MYO9B: variants seen among roughly 807,000 people sequenced by gnomAD.
The protein encoded by MYO9B is unconventional myosin-IXb.
MYO9B carries 71 observed loss-of-function variants against 229.5 expected under a neutral mutation model. The observed-to-expected ratio is 0.31, with a 90% confidence interval of 0.26 to 0.38. The LOEUF is 0.38. MYO9B is among the 10% of genes least tolerant of loss of function. The pLI is 1.00. For synonymous variants in MYO9B, 1,185 were observed against 1,235.8 expected (o/e 0.96, Z 0.86); for missense variants, 2,255 against 2,920.5 (o/e 0.77, Z 5.25).
chr19:17,081,826 A>C (rs892489269), intron 1 of MYO9B, among the ~76,000 whole-genome samples: 2 of 151,160 alleles, frequency 1.3e-5, no homozygotes, highest in Non-Finnish European at 3.0e-5. Context: ...AAAAAAAAAA[A>C]AAAAGAGGCG....
chr19:17,137,562 G>A (rs571718630), intron 2 of MYO9B, among the ~76,000 whole-genome samples: 71 of 152,036 alleles, frequency 4.7e-4, no homozygotes, highest in South Asian at 2.5e-3. Flanking sequence ...GCTTGGCTCC[G>A]TGCCCCATGA....
At chr19:17,173,485 G>C (rs969758141) in intron 13 of MYO9B, among the ~76,000 whole-genome samples, 1 of 151,890 alleles carries the variant, frequency 6.6e-6, no homozygotes, top group African/African-American at 2.4e-5. Context: ...TGTATTTTTA[G>C]TAGAGACGGG....
At chr19:17,141,197 C>A (rs149975425) in intron 2 of MYO9B, among the ~76,000 whole-genome samples, 1 of 152,174 alleles carries the variant, frequency 6.6e-6, no homozygotes, top group Non-Finnish European at 1.5e-5. Context: ...TCAGGAAGAT[C>A]CTGTCTCTCT....
At chr19:17,082,929 C>G (rs1454362410) in intron 1 of MYO9B, among the ~76,000 whole-genome samples, 2 of 151,766 alleles carry the variant, frequency 1.3e-5, no homozygotes, top group South Asian at 2.1e-4. Flanking sequence ...ACTCCGCACT[C>G]TCAATATCCT....
At position 17,180,924 on chromosome 19, in the gene MYO9B, C is replaced by T; in HGVS notation, c.2220-3C>T. The T allele has an allele frequency of 1.2e-6, 2 of 1,602,374 alleles. No homozygotes were observed. The highest frequency in any genetic ancestry group is 1.7e-6 in the Non-Finnish European group (2 of 1,173,168). The stretch of plus-strand genomic sequence containing the variant: ...ACTGCGCCCCCTCCACCCCTCCCCT[C>T]AGCGATTTGCATAACCAAATGATCA... On this transcript the variant is annotated splice_region_variant and splice_polypyrimidine_tract_variant and intron_variant, in intron 14 of 39. Coordinates refer to ENST00000682292, the MANE Select transcript of MYO9B (RefSeq NM_004145.4).
intron 3 of MYO9B, among the ~76,000 whole-genome samples, chr19:17,151,439 C>T (rs1383496150): frequency 5.3e-5 from 8 of 152,072 alleles, no homozygotes; most frequent in Non-Finnish European, 1.5e-5. Context: ...ACCTGCAAAT[C>T]AGAACCAGCA....
chr19:17,108,591 C>T (rs1209787510), intron 2 of MYO9B, among the ~76,000 whole-genome samples: 2 of 152,152 alleles, frequency 1.3e-5, no homozygotes, highest in Admixed American at 1.3e-4. Flanking sequence ...GACAAATCAC[C>T]CCCTGGGAAT....
chr19:17,108,847 G>A (rs2057818673), intron 2 of MYO9B, among the ~76,000 whole-genome samples: 1 of 151,336 alleles, frequency 6.6e-6, no homozygotes, highest in Admixed American at 6.6e-5. Context: ...CCGAGTAGCT[G>A]GGACTACAGG....
chr19:17,159,864 C>G (rs1204431633), intron 8 of MYO9B, among the ~76,000 whole-genome samples: 1 of 152,216 alleles, frequency 6.6e-6, no homozygotes, highest in Non-Finnish European at 1.5e-5. Context: ...AGCAGCTAAG[C>G]AGAGCAGTTG....
At chr19:17,136,996 G>A (rs1015472120) in intron 2 of MYO9B, among the ~76,000 whole-genome samples, 2 of 152,160 alleles carry the variant, frequency 1.3e-5, no homozygotes, top group African/African-American at 2.4e-5. Flanking sequence ...TTGGGAAGCC[G>A]AGGCGGGCAG....
intron 2 of MYO9B, among the ~76,000 whole-genome samples, chr19:17,134,470 C>T (rs2072244933): frequency 7.4e-6 from 1 of 135,042 alleles, no homozygotes; most frequent in Admixed American, 8.5e-5. Context: ...CAGCTCAGTG[C>T]AACCTCTGCC....
chr19:17,197,443 GATAGATAC>G (rs1212389821), intron 22 of MYO9B, among the ~76,000 whole-genome samples: 2 of 147,718 alleles, frequency 1.4e-5, no homozygotes, highest in South Asian at 2.1e-4. Flanking sequence ...TAGATAGATA[GATAGATAC>G]ATAGATAGAT....
chr19:17,123,348 CT>C (rs1311304237), intron 2 of MYO9B, among the ~76,000 whole-genome samples: 1 of 152,102 alleles, frequency 6.6e-6, no homozygotes, highest in Non-Finnish European at 1.5e-5. Flanking sequence ...AAAAGCCTCA[CT>C]TTGCAATAAA....
chr19:17,076,787 T>C (rs2123406289), intron 1 of MYO9B, among the ~76,000 whole-genome samples: 1 of 152,208 alleles, frequency 6.6e-6, no homozygotes, highest in South Asian at 2.1e-4. Flanking sequence ...GCCGGAACTG[T>C]GTTTCAGGAG....
At chr19:17,120,086 C>G (rs1350072007) in intron 2 of MYO9B, among the ~76,000 whole-genome samples, 1 of 152,096 alleles carries the variant, frequency 6.6e-6, no homozygotes, top group African/African-American at 2.4e-5. Flanking sequence ...ATTGCAGGCC[C>G]ATGATATGTC....
At chr19:17,096,592 C>G (rs1015713345) in intron 1 of MYO9B, among the ~76,000 whole-genome samples, 5 of 149,828 alleles carry the variant, frequency 3.3e-5, no homozygotes, top group Admixed American at 2.0e-4. Flanking sequence ...CCACTGCATT[C>G]CAGACTGAGT....
chr19:17,101,203 G>GTC lies in MYO9B; in HGVS notation c.-58-446_-58-445dup, dbSNP rs934947890. Among the ~76,000 whole-genome samples the GTC allele has an allele frequency of 1.3e-5, 2 of 151,302 alleles. No homozygotes were observed. Among genetic ancestry groups the GTC allele is most frequent in the Admixed American group, 1.3e-4 (2 of 15,122 alleles). On this transcript the variant is annotated intron_variant, in intron 1 of 39. Coordinates refer to ENST00000682292, the MANE Select transcript of MYO9B (RefSeq NM_004145.4). This position sits in a 1 kb window ranked among gnomAD's most constrained non-coding sequence, Gnocchi z 4.7. ...ACTGTATTTTTTTTTAAGTGACAGGGTCTCTCTCTCTCACCCAGGCTGGAG... is the reference window on the plus strand; with the variant it reads ...ACTGTATTTTTTTTTAAGTGACAGGGTCTCTCTCTCTCTCACCCAGGCTGGAG...
In MYO9B at chr19:17,075,781, C is replaced by T. The variant is rs1229383686; in HGVS notation, c.-152C>T. On this transcript the variant is annotated 5_prime_UTR_variant, in exon 1 of 40. Coordinates refer to ENST00000682292, the MANE Select transcript of MYO9B (RefSeq NM_004145.4). ...GCGCGCGGGGGAGCGGCGGGCGCGGCGGGGCGGAGCGGCTCGAGCAGCGGC... is the reference window on the plus strand; with the variant it reads ...GCGCGCGGGGGAGCGGCGGGCGCGGTGGGGCGGAGCGGCTCGAGCAGCGGC... 1.3e-5 allele frequency: 2 copies of T among 155,922 alleles called. No homozygotes were observed. The highest frequency in any genetic ancestry group is 1.6e-4 in the South Asian group (1 of 6,132). 9.7% of individuals were successfully genotyped at this position (155,922 alleles called of 1,614,324 possible).
chr19:17,153,350 C>T (rs2072500604), intron 4 of MYO9B, among the ~76,000 whole-genome samples: 1 of 149,422 alleles, frequency 6.7e-6, no homozygotes, highest in Non-Finnish European at 1.5e-5. Flanking sequence ...TACAGGCATG[C>T]ACCACCACGC....
Sources: gnomAD v4.1 joint callset for allele counts (sites outside exome capture counted in the v4.1 genomes callset) on GRCh38, gnomAD v4.1.1 for gene constraint, Gnocchi (gnomAD v3.1) non-coding constraint, MANE v1.5 for transcripts, NCBI Gene and HGNC (gene_info 2026-07-23, HGNC 2026-07-21) for gene names.